GALNT3: variants seen among roughly 807,000 people sequenced by gnomAD.
The protein encoded by GALNT3 is polypeptide N-acetylgalactosaminyltransferase 3.
In GALNT3, 51 loss-of-function variants were observed where a neutral mutation model predicts 69.8. The ratio of observed to expected loss-of-function variants is 0.73; its 90% CI spans 0.58 to 0.92. The LOEUF (loss-of-function observed/expected upper bound fraction) is 0.92. Ranked by LOEUF, GALNT3 falls within the 40% of genes least tolerant of loss-of-function variation. The pLI, the probability that GALNT3 is intolerant of heterozygous loss-of-function variation, is 0.00. For synonymous variants in GALNT3, 265 were observed against 248.5 expected (o/e 1.07, Z -0.63); for missense variants, 711 against 760.0 (o/e 0.94, Z 0.76).
At chr2:165,774,909 C>CTTTTTTTTTTTTTTTTT (rs71031204) in intron 1 of GALNT3, among the ~76,000 whole-genome samples, 1 of 104,328 alleles carries the variant, frequency 9.6e-6, no homozygotes, top group African/African-American at 3.8e-5. Context: ...CTTCTTCTCT[C>CTTTTTTTTTTTTTTTTT]TTTTTTTTTT....
chr2:165,786,454 C>G (rs1253854685), intron 1 of GALNT3, among the ~76,000 whole-genome samples: 1 of 152,180 alleles, frequency 6.6e-6, no homozygotes, highest in African/African-American at 2.4e-5. Flanking sequence ...CCAGCATCTG[C>G]AGATGTTCAT....
At chr2:165,761,752 C>A (rs1968294) in intron 4 of GALNT3, 153 bp downstream of exon 4, 3 of 817,456 alleles carry the variant, frequency 3.7e-6, no homozygotes, top group Non-Finnish European at 6.4e-6. Flanking sequence ...AGAGCTGTTA[C>A]CTGCTTGGGC....
intron 1 of GALNT3, among the ~76,000 whole-genome samples, chr2:165,790,333 G>C (rs1683317437): frequency 2.0e-5 from 3 of 152,142 alleles, no homozygotes; most frequent in Non-Finnish European, 2.9e-5. Flanking sequence ...TGCAATAAGT[G>C]AATGTACTTT....
At chr2:165,788,647 C>G (rs1254817796) in intron 1 of GALNT3, among the ~76,000 whole-genome samples, 2 of 151,520 alleles carry the variant, frequency 1.3e-5, no homozygotes, top group Non-Finnish European at 2.9e-5. Flanking sequence ...GCAAGACCTT[C>G]TTTGAGTTTT....
rs1688296884 is a variant in GALNT3, at chr2:165,748,367, T to G, written c.*414A>C. ...CAATGCTGACATTTATTGATCTATT[T>G]TTATGTAGTTAAAAAAATACAGTAA... On this transcript the variant is annotated 3_prime_UTR_variant, in exon 11 of 11. Transcript: ENST00000392701. 3.9e-6 allele frequency: 1 copy of G among 259,226 alleles called. No individual in the cohort carries two copies. The highest frequency in any genetic ancestry group is 7.4e-6 in the Non-Finnish European group (1 of 134,350). 16.1% of individuals were successfully genotyped at this position (259,226 alleles called of 1,614,324 possible).
At chr2:165,757,015 T>C in intron 7 of GALNT3, 32 bp downstream of exon 7, 1 of 1,521,594 alleles carries the variant, frequency 6.6e-7, no homozygotes, top group Non-Finnish European at 9.1e-7. Flanking sequence ...TTATAGATTT[T>C]ATTGCAATTT....
chr2:165,771,407 A>G (rs1347135002), intron 1 of GALNT3: 1 of 152,220 alleles, frequency 6.6e-6, no homozygotes, highest in Non-Finnish European at 1.5e-5. Context: ...AATCAACAGC[A>G]TTTAATTTGT....
chr2:165,788,685 G>A (rs944552465), intron 1 of GALNT3, among the ~76,000 whole-genome samples: 2 of 151,792 alleles, frequency 1.3e-5, no homozygotes, highest in Admixed American at 6.6e-5. Flanking sequence ...ATAGATAGAT[G>A]TAAAGATAGA....
chr2:165,770,760 A>T lies in GALNT3; in HGVS notation c.-60T>A, dbSNP rs940356862. ...AGTTATTTCTTCTTCTGTTACTTAT[A>T]TTTTTTATCATAGATTTGCTGAGAA... On this transcript the variant is annotated 5_prime_UTR_variant, in exon 2 of 11. Coordinates refer to ENST00000392701, the MANE Select transcript of GALNT3 (RefSeq NM_004482.4). The T allele has an allele frequency of 3.9e-5, 61 of 1,554,862 alleles. No homozygotes were observed. Among genetic ancestry groups the T allele is most frequent in the Non-Finnish European group, 5.0e-5 (58 of 1,149,574 alleles).
intron 2 of GALNT3, among the ~76,000 whole-genome samples, chr2:165,768,102 A>G (rs1688680252): frequency 6.6e-6 from 1 of 152,136 alleles, no homozygotes; most frequent in African/African-American, 2.4e-5. Flanking sequence ...ACAGTAGCTC[A>G]TGCCTTTAAT....
rs115476177 is a variant in GALNT3, at chr2:165,777,647, T to G, written c.-108-6839A>C. ...ATTATGTTTAAGTTCATGTTTACAT[T>G]CTTGGCAGCATTTCTTCTGAGCAGG... On this transcript the variant is annotated intron_variant, in intron 1 of 10. Transcript: ENST00000392701. Among the ~76,000 whole-genome samples the G allele has an allele frequency of 6.2e-3, 951 of 152,302 alleles. 9 individuals are homozygous for G. Among genetic ancestry groups the G allele is most frequent in the African/African-American group, 0.022 (895 of 41,558 alleles).
rs943044573 is a variant in GALNT3, at chr2:165,765,061, A to C, written c.516-5T>G. ...TTAAATTTTTGTTCAATACATCTAGAAGAAGTCAGAGAAGTAGAAAAACAA... is the reference window on the plus strand; with the variant it reads ...TTAAATTTTTGTTCAATACATCTAGCAGAAGTCAGAGAAGTAGAAAAACAA... On this transcript the variant is annotated splice_polypyrimidine_tract_variant and splice_region_variant and intron_variant, in intron 2 of 10. Coordinates refer to ENST00000392701, the MANE Select transcript of GALNT3 (RefSeq NM_004482.4). 1 of 1,612,672 alleles carries C rather than the reference A, an allele frequency of 6.2e-7. No individual in the cohort carries two copies. The highest frequency in any genetic ancestry group is 8.5e-7 in the Non-Finnish European group (1 of 1,178,764).
intron 1 of GALNT3, among the ~76,000 whole-genome samples, chr2:165,791,727 T>C (rs1683356350): frequency 6.6e-6 from 1 of 152,160 alleles, no homozygotes; most frequent in Admixed American, 6.5e-5. Flanking sequence ...CTAAATAATG[T>C]TATCCACATT....
At chr2:165,762,173 T>A (rs2105410696) in intron 3 of GALNT3, 119 bp from the exon 4 acceptor site, 1 of 789,656 alleles carries the variant, frequency 1.3e-6, no homozygotes, top group Non-Finnish European at 2.0e-6. Flanking sequence ...AACAGTTGCA[T>A]GTGTCCTTCC....
intron 1 of GALNT3, among the ~76,000 whole-genome samples, chr2:165,773,926 T>C (rs547806274): frequency 6.6e-6 from 1 of 152,316 alleles, no homozygotes; most frequent in East Asian, 1.9e-4. Flanking sequence ...AAAACTGAAC[T>C]TCATTAGACC....
intron 9 of GALNT3, 54 bp from the exon 10 acceptor site, chr2:165,749,948 A>AAAAT: frequency 6.9e-7 from 1 of 1,459,370 alleles, no homozygotes; most frequent in Non-Finnish European, 9.6e-7. Context: ...GCTCAGTTGC[A>AAAAT]AAATAAATAA....
chr2:165,781,500 G>A (rs1335307910), intron 1 of GALNT3, among the ~76,000 whole-genome samples: 1 of 151,846 alleles, frequency 6.6e-6, no homozygotes, highest in East Asian at 1.9e-4. Context: ...AAGAGGCTGA[G>A]GTAAGAACAT....
chr2:165,791,356 T>C (rs1683344895), intron 1 of GALNT3, among the ~76,000 whole-genome samples: 1 of 152,070 alleles, frequency 6.6e-6, no homozygotes, highest in African/African-American at 2.4e-5. Context: ...TTCAACAGAA[T>C]AGTGCTATTT....
intron 1 of GALNT3, among the ~76,000 whole-genome samples, chr2:165,787,978 AT>A (rs1257416192): frequency 6.6e-6 from 1 of 152,320 alleles, no homozygotes; most frequent in South Asian, 2.1e-4. Context: ...AAATAGACTA[AT>A]TAAGTCAGTG....
Sources: allele counts gnomAD v4.1 joint callset (sites outside exome capture counted in the v4.1 genomes callset), GRCh38; gene constraint gnomAD v4.1.1; transcripts MANE v1.5; gene names NCBI Gene and HGNC (gene_info 2026-07-23, HGNC 2026-07-21).